ZBTB46: variants seen among roughly 807,000 people sequenced by gnomAD.
The protein encoded by ZBTB46 is zinc finger and BTB domain containing 46.
ZBTB46 carries 8 observed loss-of-function variants against 44.1 expected under a neutral mutation model. That is an observed-to-expected ratio of 0.18 (90% CI 0.11 to 0.33). ZBTB46 has a LOEUF of 0.33. Ranked by LOEUF, ZBTB46 falls within the 10% of genes least tolerant of loss-of-function variation. The pLI is 1.00. For missense variants in ZBTB46, 651 were observed against 847.7 expected (o/e 0.77, Z 2.88); for synonymous variants, 409 against 382.3 (o/e 1.07, Z -0.81).
chr20:63,802,828 G>A (rs1329571900), intron 1 of ZBTB46, among the ~76,000 whole-genome samples: 3 of 146,384 alleles, frequency 2.0e-5, no homozygotes, highest in Admixed American at 2.0e-4. Context: ...CACCCTCCCA[G>A]GAACCGCCGC....
intron 2 of ZBTB46, among the ~76,000 whole-genome samples, chr20:63,781,821 C>G (rs1445123766): frequency 7.9e-5 from 12 of 151,290 alleles, no homozygotes; most frequent in Non-Finnish European, 1.8e-4. Context: ...CGCGGTGGCT[C>G]ACGCCTGTAA....
chr20:63,788,505 T>C (rs1407400833), intron 2 of ZBTB46, among the ~76,000 whole-genome samples: 1 of 152,128 alleles, frequency 6.6e-6, no homozygotes, highest in Non-Finnish European at 1.5e-5. Context: ...CAGTGAGTAA[T>C]AGGCAGGACC....
Position 63,746,850 on chromosome 20 carries a change from T to TGGCCCC in ZBTB46, c.*74_*79dup. On this transcript the variant is annotated 3_prime_UTR_variant, in exon 5 of 5. Transcript: ENST00000245663. ...GCCGCGAGAGGGGTGAGCGTGGCCCTGGCCCCGCAGTGGAGACCCACCGGA... is the reference window on the plus strand; with the variant it reads ...GCCGCGAGAGGGGTGAGCGTGGCCCTGGCCCCGGCCCCGCAGTGGAGACCCACCGGA... 3 of 1,420,396 alleles carry TGGCCCC rather than the reference T, an allele frequency of 2.1e-6. No individual in the cohort carries two copies. Among genetic ancestry groups the TGGCCCC allele is most frequent in the Middle Eastern group, 2.5e-4 (1 of 4,042 alleles). The allele number at this position is 1,420,396 out of a possible 1,614,324, so 88.0% of individuals were successfully genotyped here.
intron 1 of ZBTB46, among the ~76,000 whole-genome samples, chr20:63,819,800 G>A (rs1181182757): frequency 6.6e-6 from 1 of 152,160 alleles, no homozygotes; most frequent in East Asian, 1.9e-4. Context: ...CAACTGGGAC[G>A]CTCGGAGCAC....
chr20:63,751,754 C>CA, intron 4 of ZBTB46, among the ~76,000 whole-genome samples: 1 of 109,280 alleles, frequency 9.2e-6, no homozygotes, highest in Middle Eastern at 5.4e-3. Flanking sequence ...GTGGGTCTCC[C>CA]ATGAAGCCCC....
intron 1 of ZBTB46, among the ~76,000 whole-genome samples, chr20:63,800,774 C>A (rs2092638068): frequency 6.6e-6 from 1 of 152,228 alleles, no homozygotes; most frequent in South Asian, 2.1e-4. Flanking sequence ...TGCCTCCCCT[C>A]AGGGCAGGGC....
At chr20:63,779,328 C>T (rs1358757850) in intron 2 of ZBTB46, among the ~76,000 whole-genome samples, 1 of 152,032 alleles carries the variant, frequency 6.6e-6, no homozygotes, top group Non-Finnish European at 1.5e-5. Context: ...GCAACCTCCG[C>T]CTCCCGGCTT....
intron 3 of ZBTB46, among the ~76,000 whole-genome samples, chr20:63,774,557 G>A (rs1428233415): frequency 6.6e-6 from 1 of 152,126 alleles, no homozygotes; most frequent in African/African-American, 2.4e-5. Context: ...GGAGAGAAAC[G>A]GGAGGCGCCT....
chr20:63,829,537 G>A (rs1023753701), intron 1 of ZBTB46, among the ~76,000 whole-genome samples: 2 of 152,128 alleles, frequency 1.3e-5, no homozygotes, highest in Admixed American at 6.6e-5. Flanking sequence ...AGCTTTTTAG[G>A]GGACACAGTA....
intron 3 of ZBTB46, chr20:63,768,088 A>G (rs188750476): frequency 5.8e-5 from 57 of 985,480 alleles, no homozygotes; most frequent in Non-Finnish European, 6.5e-5. Flanking sequence ...ATGTTGTCCA[A>G]TCACTACTAA....
At chr20:63,772,044 G>C (rs2092379649) in intron 3 of ZBTB46, among the ~76,000 whole-genome samples, 1 of 145,086 alleles carries the variant, frequency 6.9e-6, no homozygotes, top group South Asian at 2.2e-4. Flanking sequence ...TTGTTGCCCA[G>C]GTTGGAATGG....
chr20:63,806,422 A>G (rs73143558), intron 1 of ZBTB46, among the ~76,000 whole-genome samples: 1 of 104,112 alleles, frequency 9.6e-6, no homozygotes. Context: ...AAAAAAAAAA[A>G]AGAAAGAAAA....
intron 1 of ZBTB46, among the ~76,000 whole-genome samples, chr20:63,794,141 G>A (rs1011291248): frequency 1.3e-5 from 2 of 150,110 alleles, no homozygotes; most frequent in Admixed American, 6.6e-5. Flanking sequence ...AGCTGAGATC[G>A]AGCCACTGCA....
At position 63,767,828 on chromosome 20, in the gene ZBTB46, GCTGGGCAAGTCCATCCAGGC is replaced by G; in HGVS notation, c.1222+7830_1222+7849del. On this transcript the variant is annotated intron_variant, in intron 3 of 4. Transcript: ENST00000245663. This position sits in a 1 kb window ranked among gnomAD's most constrained non-coding sequence, Gnocchi z 5.0. ...CCAGGGCTGGGCAAGTCCATCCAGGGCTGGGCAAGTCCATCCAGGCCTGGGCTGGAAGAAGACTCCTCAGG... is the reference window on the plus strand; with the variant it reads ...CCAGGGCTGGGCAAGTCCATCCAGGGCTGGGCTGGAAGAAGACTCCTCAGG... 1.0e-6 allele frequency: 1 copy of G among 965,692 alleles called. No homozygotes were observed. Among genetic ancestry groups the G allele is most frequent in the Non-Finnish European group, 1.2e-6 (1 of 812,682 alleles). 59.8% of individuals were successfully genotyped at this position (965,692 alleles called of 1,614,324 possible). A position where few individuals can be genotyped will look rare whatever the true frequency, so the allele number is the denominator to read the frequency against.
chr20:63,816,249 T>G (rs66682622), intron 1 of ZBTB46: 39,043 of 220,736 alleles, frequency 0.18, 4,214 homozygotes, highest in East Asian at 0.47. Flanking sequence ...TGCTTCGGAT[T>G]GGGAGGCACA....
intron 3 of ZBTB46, among the ~76,000 whole-genome samples, chr20:63,770,228 G>T (rs555261210): frequency 1.3e-5 from 2 of 152,190 alleles, no homozygotes; most frequent in Admixed American, 1.3e-4. Context: ...TTGGAGACAC[G>T]AAGGCAGCAC....
At chr20:63,830,011 C>T (rs540170144) in intron 1 of ZBTB46, among the ~76,000 whole-genome samples, 27 of 152,348 alleles carry the variant, frequency 1.8e-4, no homozygotes, top group African/African-American at 6.3e-4. Context: ...AATCTTGCCA[C>T]CGTAATCCAC....
At chr20:63,753,216 C>T (rs2092187391) in intron 3 of ZBTB46, among the ~76,000 whole-genome samples, 1 of 152,208 alleles carries the variant, frequency 6.6e-6, no homozygotes, top group South Asian at 2.1e-4. Flanking sequence ...CCCTCAGACC[C>T]CACTGGGCAT....
intron 1 of ZBTB46, among the ~76,000 whole-genome samples, chr20:63,816,070 CAGTGGGCACA>C (rs1413210822): frequency 8.3e-5 from 11 of 132,002 alleles, no homozygotes; most frequent in East Asian, 6.4e-4. Context: ...GGCGCAGGTG[CAGTGGGCACA>C]GGTGGGCACA....
Sources: allele counts gnomAD v4.1 joint callset (sites outside exome capture counted in the v4.1 genomes callset), GRCh38; gene constraint gnomAD v4.1.1; non-coding constraint Gnocchi (gnomAD v3.1); transcripts MANE v1.5; gene names NCBI Gene and HGNC (gene_info 2026-07-23, HGNC 2026-07-21).